The following TNNT3 variants were observed in gnomAD, a reference collection of about 807,000 sequenced individuals.
TNNT3 encodes the protein troponin T, fast skeletal muscle.
Under a neutral mutation model 54.2 loss-of-function variants are expected in TNNT3, and 36 were observed. The ratio of observed to expected loss-of-function variants is 0.66; its 90% CI spans 0.51 to 0.88. TNNT3 has a LOEUF of 0.88. TNNT3 is among the 40% of genes least tolerant of loss of function. TNNT3 has a pLI of 0.00. For synonymous variants in TNNT3, 120 were observed against 109.7 expected, an observed-to-expected ratio of 1.09 and a Z score of -0.59; for missense variants, 291 against 331.6, an observed-to-expected ratio of 0.88 and a Z score of 0.95.
At chr11:1,923,294 C>T (rs2133245413) in intron 3 of TNNT3, among the ~76,000 whole-genome samples, 1 of 152,236 alleles carries the variant, frequency 6.6e-6, no homozygotes, top group East Asian at 1.9e-4. Flanking sequence ...GGCTCTGGGT[C>T]CTGTCTCTCT....
intron 9 of TNNT3, among the ~76,000 whole-genome samples, chr11:1,933,464 G>A (rs1854026845): frequency 6.6e-6 from 1 of 152,250 alleles, no homozygotes; most frequent in Admixed American, 6.5e-5. Flanking sequence ...TCCTAAGGAT[G>A]CTGAGGACCT....
intron 5 of TNNT3, among the ~76,000 whole-genome samples, chr11:1,925,941 G>C (rs977165280): frequency 2.6e-5 from 4 of 152,126 alleles, no homozygotes; most frequent in Admixed American, 6.5e-5. Context: ...GGGAAAGAAC[G>C]AGTGGGCCCC....
intron 14 of TNNT3, chr11:1,936,237 G>A: frequency 6.2e-7 from 1 of 1,613,872 alleles, no homozygotes; most frequent in African/African-American, 1.3e-5. Context: ...GGGCCAGAGT[G>A]CAGATGCTGG....
intron 4 of TNNT3, among the ~76,000 whole-genome samples, chr11:1,923,957 CCT>C (rs1010799405): frequency 2.2e-4 from 32 of 146,620 alleles, no homozygotes; most frequent in African/African-American, 8.5e-4. Flanking sequence ...TGTCTCTCTG[CCT>C]CTCTCTCTAT....
At chr11:1,928,764 A>T (rs1036669605) in intron 6 of TNNT3, among the ~76,000 whole-genome samples, 2 of 152,164 alleles carry the variant, frequency 1.3e-5, no homozygotes, top group Admixed American at 6.5e-5. Flanking sequence ...AGGGTCTCAG[A>T]TGCCAAGGTT....
intron 5 of TNNT3, among the ~76,000 whole-genome samples, chr11:1,925,973 T>C (rs1203278957): frequency 6.6e-6 from 1 of 152,004 alleles, no homozygotes; most frequent in Admixed American, 6.5e-5. Flanking sequence ...TGGCAGGAAG[T>C]GGGGGTCCTG....
intron 10 of TNNT3, 33 bp from the exon 11 acceptor site, chr11:1,933,898 C>T (rs1432527301): frequency 6.2e-7 from 1 of 1,612,594 alleles, no homozygotes; most frequent in East Asian, 2.2e-5. Context: ...GAGCCGGGGA[C>T]AGGGCTGAGC....
chr11:1,925,420 A>T (rs780633412), intron 5 of TNNT3: 177 of 873,584 alleles, frequency 2.0e-4, no homozygotes, highest in Non-Finnish European at 3.1e-4. Flanking sequence ...CCCTAATGTA[A>T]CCCACTAACC....
In TNNT3 at chr11:1,938,526, T is replaced by G. The variant is rs373054354; in HGVS notation, c.*34T>G. The G allele has an allele frequency of 5.0e-6, 8 of 1,609,132 alleles. No homozygotes were observed. The highest frequency in any genetic ancestry group is 5.9e-6 in the Non-Finnish European group (7 of 1,176,896). ...GAAAGGCCCCTCGAGGCAGAGACCC[T>G]CCGCCCTCTTGCACACCAGGGCCGC... On this transcript the variant is annotated 3_prime_UTR_variant, in exon 16 of 16. Transcript: ENST00000278317.
At chr11:1,935,408 G>T (rs1854694114) in intron 14 of TNNT3, 2 of 274,786 alleles carry the variant, frequency 7.3e-6, no homozygotes, top group South Asian at 4.0e-5. Flanking sequence ...ACAGAGAGGG[G>T]TGACACACTG....
At chr11:1,934,107 G>A in intron 11 of TNNT3, 99 bp downstream of exon 11, 1 of 1,355,528 alleles carries the variant, frequency 7.4e-7, no homozygotes, top group South Asian at 1.2e-5. Context: ...GGTTCCCATT[G>A]TCATTGGCCA....
At chr11:1,925,441 C>A in intron 5 of TNNT3, 1 of 750,692 alleles carries the variant, frequency 1.3e-6, no homozygotes, top group Non-Finnish European at 2.3e-6. Context: ...GCGGCCAATG[C>A]TTGACCAGAG....
At chr11:1,935,365 C>T (rs1055500946) in intron 14 of TNNT3, 15 of 304,476 alleles carry the variant, frequency 4.9e-5, no homozygotes, top group South Asian at 4.6e-4. Flanking sequence ...CTGGCTTCCA[C>T]CAGGGCCCCG....
At chr11:1,926,290 A>C (rs941403027) in intron 5 of TNNT3, among the ~76,000 whole-genome samples, 2 of 152,174 alleles carry the variant, frequency 1.3e-5, no homozygotes, top group African/African-American at 4.8e-5. Context: ...GTTTGGGGAC[A>C]TGGGACTGGG....
At chr11:1,936,593 T>C (rs947317728) in intron 14 of TNNT3, among the ~76,000 whole-genome samples, 1 of 152,188 alleles carries the variant, frequency 6.6e-6, no homozygotes, top group African/African-American at 2.4e-5. Flanking sequence ...TGAAGGGAGC[T>C]GGAGCTGAGA....
chr11:1,930,261 C>T (rs1852987701), intron 8 of TNNT3, among the ~76,000 whole-genome samples: 2 of 152,120 alleles, frequency 1.3e-5, no homozygotes, highest in South Asian at 4.1e-4. Flanking sequence ...GCCACCGCAA[C>T]ACCCCACGGC....
chr11:1,936,751 G>C (rs781275045), intron 14 of TNNT3, among the ~76,000 whole-genome samples: 1 of 152,244 alleles, frequency 6.6e-6, no homozygotes, highest in African/African-American at 2.4e-5. Flanking sequence ...AGGCTGGCGA[G>C]AGTAAGTCCA....
chr11:1,937,372 G>C (rs965601097), intron 15 of TNNT3, among the ~76,000 whole-genome samples: 1 of 152,134 alleles, frequency 6.6e-6, no homozygotes, highest in African/African-American at 2.4e-5. Context: ...AGGGTATCCC[G>C]CCAGTGTCCC....
At chr11:1,922,028 C>T (rs559443033) in intron 1 of TNNT3, among the ~76,000 whole-genome samples, 58 of 152,296 alleles carry the variant, frequency 3.8e-4, no homozygotes, top group African/African-American at 1.2e-3. Context: ...CCAGGGAAAG[C>T]GGCCACAGGG....
Sources: allele counts gnomAD v4.1 joint callset (sites outside exome capture counted in the v4.1 genomes callset), GRCh38; gene constraint gnomAD v4.1.1; transcripts MANE v1.5; gene names NCBI Gene and HGNC (gene_info 2026-07-23, HGNC 2026-07-21).